TEC: variants seen among roughly 807,000 people sequenced by gnomAD.
TEC encodes the protein tec protein tyrosine kinase.
TEC carries 72 observed loss-of-function variants against 93.0 expected under a neutral mutation model. That is an observed-to-expected ratio of 0.77 (90% CI 0.64 to 0.94). TEC has a LOEUF of 0.94. Ranked by LOEUF, TEC falls within the 40% of genes least tolerant of loss-of-function variation. The probability of loss-of-function intolerance (pLI) is 0.00; values close to 1 mark genes in which losing one functional copy is unlikely to be tolerated. For missense variants in TEC, 630 were observed against 757.9 expected (o/e 0.83, Z 1.98); for synonymous variants, 249 against 247.7 (o/e 1.01, Z -0.05).
intron 1 of TEC, among the ~76,000 whole-genome samples, chr4:48,234,260 T>C (rs1459479971): frequency 6.6e-6 from 1 of 152,238 alleles, no homozygotes; most frequent in Non-Finnish European, 1.5e-5. Context: ...TTTAACAATT[T>C]TCTCTTATCC....
chr4:48,149,405 A>G (rs746599711), intron 11 of TEC, 152 bp downstream of exon 11: 1 of 742,864 alleles, frequency 1.3e-6, no homozygotes, highest in Admixed American at 3.7e-5. Context: ...TTTTCTTTGT[A>G]TATATCATTC....
At chr4:48,232,182 G>T (rs1257813092) in intron 1 of TEC, among the ~76,000 whole-genome samples, 3 of 152,030 alleles carry the variant, frequency 2.0e-5, no homozygotes, top group Non-Finnish European at 2.9e-5. Context: ...CCAGCTACTT[G>T]GGAGGCTGAG....
At position 48,138,665 on chromosome 4, in the gene TEC, C is replaced by A. The variant is rs1445462271; in HGVS notation, c.1812G>T (p.Glu604Asp). The A allele has an allele frequency of 6.3e-7, 1 of 1,599,592 alleles. No individual in the cohort carries two copies. The highest frequency in any genetic ancestry group is 1.3e-5 in the African/African-American group (1 of 74,084). ...AAGAAAGCACACAAAAAATCTATACCTCCTGCCAACATCTCAGCATCACCT... is the reference window on the plus strand; with the variant it reads ...AAGAAAGCACACAAAAAATCTATACATCCTGCCAACATCTCAGCATCACCT... ...VYEVMLRCWQ[E>D]KPEGRPSFED... is the part of the protein sequence containing the mutation. Residue 604 changes from glutamate to aspartate, a missense_variant and splice_region_variant, in exon 17 of 18, where the codon GAG becomes GAT. Around this residue, in one of 3 missense-constraint regions of TEC, gnomAD observed 289 missense variants for 390.0 expected, o/e 0.74. Transcript: ENST00000381501.
At chr4:48,157,168 C>A (rs370396923) in intron 8 of TEC, among the ~76,000 whole-genome samples, 6 of 152,292 alleles carry the variant, frequency 3.9e-5, no homozygotes, top group African/African-American at 1.4e-4. Context: ...GAATTTTACT[C>A]CACTGACTAA....
At chr4:48,183,536 G>C (rs1577730716) in intron 2 of TEC, among the ~76,000 whole-genome samples, 2 of 152,214 alleles carry the variant, frequency 1.3e-5, no homozygotes, top group African/African-American at 4.8e-5. Context: ...AAGGGAAAGC[G>C]AACTCTTTTC....
intron 8 of TEC, among the ~76,000 whole-genome samples, chr4:48,156,997 C>T (rs537850533): frequency 2.6e-4 from 40 of 152,210 alleles, no homozygotes; most frequent in South Asian, 1.2e-3. Context: ...ATAGGCTATA[C>T]GATAACCTGA....
At chr4:48,233,407 G>A (rs1317276134) in intron 1 of TEC, among the ~76,000 whole-genome samples, 2 of 150,502 alleles carry the variant, frequency 1.3e-5, no homozygotes, top group Non-Finnish European at 3.0e-5. Context: ...CAAATTCCTG[G>A]GCATAAGTGA....
intron 2 of TEC, among the ~76,000 whole-genome samples, chr4:48,194,369 C>T (rs774157587): frequency 5.3e-5 from 8 of 152,184 alleles, no homozygotes; most frequent in African/African-American, 7.2e-5. Flanking sequence ...TAGGGAACTG[C>T]GAAAGCAGAA....
chr4:48,172,237 AT>A (rs1222510789), intron 3 of TEC, among the ~76,000 whole-genome samples: 2 of 150,296 alleles, frequency 1.3e-5, no homozygotes. Context: ...AAATTTTTTC[AT>A]TTTATTCTTC....
chr4:48,256,594 C>CAAAA (rs34792955), intron 1 of TEC, among the ~76,000 whole-genome samples: 1 of 61,708 alleles, frequency 1.6e-5, no homozygotes, highest in Non-Finnish European at 3.2e-5. Flanking sequence ...GACCTTGTCT[C>CAAAA]AAAAAAAAAA....
chr4:48,241,701 T>C (rs1395160078), intron 1 of TEC, among the ~76,000 whole-genome samples: 1 of 152,228 alleles, frequency 6.6e-6, no homozygotes, highest in African/African-American at 2.4e-5. Flanking sequence ...GGATGGTTTC[T>C]AACACAGCAG....
chr4:48,231,625 CGG>C (rs1367968606), intron 1 of TEC, among the ~76,000 whole-genome samples: 1 of 151,928 alleles, frequency 6.6e-6, no homozygotes, highest in Non-Finnish European at 1.5e-5. Flanking sequence ...GGCGTGGTGG[CGG>C]GGGCCTGTAG....
intron 2 of TEC, among the ~76,000 whole-genome samples, chr4:48,219,344 A>G (rs1723179900): frequency 6.6e-6 from 1 of 152,124 alleles, no homozygotes; most frequent in South Asian, 2.1e-4. Context: ...CTTTCCTTGG[A>G]GGAGTCAGGG....
chr4:48,201,956 T>A (rs1422608761), intron 2 of TEC, among the ~76,000 whole-genome samples: 16 of 144,398 alleles, frequency 1.1e-4, no homozygotes, highest in Admixed American at 6.2e-4. Context: ...TGGCTTATTT[T>A]TTTTTTTTTT....
At chr4:48,250,405 T>A (rs966434152) in intron 1 of TEC, among the ~76,000 whole-genome samples, 1 of 152,198 alleles carries the variant, frequency 6.6e-6, no homozygotes, top group Non-Finnish European at 1.5e-5. Flanking sequence ...ATTTTTCATA[T>A]CTCCTTGTAT....
At position 48,145,486 on chromosome 4, in the gene TEC, T is replaced by C; in HGVS notation, c.1175A>G (p.Gln392Arg). Residue 392 changes from glutamine (Q) to arginine (R), a missense_variant, in exon 13 of 18, where the codon CAG becomes CGG. Gln to Arg is a conservative substitution (Grantham distance 43). Coordinates refer to ENST00000381501, the MANE Select transcript of TEC (RefSeq NM_003215.3). ...AATAGCTTTGATTGCGACTTTGTAC[T>C]GGGCTCGCCATTTGCCAAGCCTCAC... ...GVVRLGKWRAQYKVAIKAIRE... is the reference protein window; with the variant it reads ...GVVRLGKWRARYKVAIKAIRE... The C allele has an allele frequency of 6.2e-7, 1 of 1,614,194 alleles. No individual in the cohort carries two copies. Among genetic ancestry groups the C allele is most frequent in the Non-Finnish European group, 8.5e-7 (1 of 1,180,026 alleles).
intron 14 of TEC, among the ~76,000 whole-genome samples, chr4:48,142,508 T>C (rs17470919): frequency 0.4 from 60,815 of 151,890 alleles, 12,571 homozygotes; most frequent in Admixed American, 0.48. Flanking sequence ...AGTTTGCTTT[T>C]TCATTTATGT....
At chr4:48,265,434 C>T (rs1383583242) in intron 1 of TEC, among the ~76,000 whole-genome samples, 1 of 73,852 alleles carries the variant, frequency 1.4e-5, no homozygotes, top group African/African-American at 3.8e-5. Flanking sequence ...TATACACACA[C>T]ACATATATAC....
intron 12 of TEC, 71 bp downstream of exon 12, chr4:48,146,254 C>A (rs751638726): frequency 6.9e-6 from 10 of 1,441,078 alleles, no homozygotes; most frequent in South Asian, 1.2e-5. Context: ...TAGTACACAT[C>A]CAAATTTATC....
Sources: allele counts gnomAD v4.1 joint callset (sites outside exome capture counted in the v4.1 genomes callset), GRCh38; gene constraint gnomAD v4.1.1; regional missense constraint gnomAD v4.1.1; transcripts MANE v1.5; gene names NCBI Gene and HGNC (gene_info 2026-07-23, HGNC 2026-07-21).